DCC: variants seen among roughly 807,000 people sequenced by gnomAD.
DCC encodes the protein DCC netrin 1 receptor.
A neutral mutation model predicts 172.5 loss-of-function variants in DCC; 58 were observed. That is an observed-to-expected ratio of 0.34 (90% CI 0.27 to 0.42). The LOEUF (loss-of-function observed/expected upper bound fraction) is 0.42. DCC is among the 10% of genes least tolerant of loss of function. The pLI is 1.00. For synonymous variants in DCC, 709 were observed against 644.5 expected (o/e 1.10, Z -1.52); for missense variants, 1,740 against 1,791.0 (o/e 0.97, Z 0.51).
chr18:52,661,506 C>T (rs2035359689), intron 1 of DCC, among the ~76,000 whole-genome samples: 1 of 152,212 alleles, frequency 6.6e-6, no homozygotes, highest in Non-Finnish European at 1.5e-5. Context: ...TCGCTATCCT[C>T]TGGGCTCTTC....
chr18:52,578,833 C>A (rs972902103), intron 1 of DCC, among the ~76,000 whole-genome samples: 11 of 151,994 alleles, frequency 7.2e-5, no homozygotes, highest in African/African-American at 2.7e-4. Flanking sequence ...CCCATCTCTA[C>A]TAAAAATACA....
intron 5 of DCC, among the ~76,000 whole-genome samples, chr18:53,046,881 C>G (rs1011568291): frequency 5.3e-5 from 8 of 151,850 alleles, no homozygotes; most frequent in Admixed American, 4.6e-4. Context: ...GTGACTCTCT[C>G]TACAACACAG....
chr18:52,610,166 AAAAAAAAAAAAAATATATATAT>A lies in DCC; in HGVS notation c.92-141886_92-141865del, dbSNP rs1474844697. Among the ~76,000 whole-genome samples, 135 of 25,266 alleles carry A rather than the reference AAAAAAAAAAAAAATATATATAT, an allele frequency of 5.3e-3. 8 individuals carry two copies. The highest frequency in any genetic ancestry group is 0.033 in the Middle Eastern group (1 of 30). The allele number at this position is 25,266 out of a possible 152,430, so 16.6% of individuals were successfully genotyped here. A position where few individuals can be genotyped will look rare whatever the true frequency, so the allele number is the denominator to read the frequency against. ...CCATCTCTCATAAAAAAAAAAAAAA[AAAAAAAAAAAAAATATATATAT>A]ATATATATATATATATATATATATA... On this transcript the variant is annotated intron_variant, in intron 1 of 28. Coordinates refer to ENST00000442544, the MANE Select transcript of DCC (RefSeq NM_005215.4).
intron 2 of DCC, among the ~76,000 whole-genome samples, chr18:52,805,785 G>A (rs1346470297): frequency 5.3e-5 from 8 of 152,206 alleles, no homozygotes; most frequent in South Asian, 2.1e-4. Context: ...AGCCACCCTC[G>A]CATTCTCAGA....
chr18:52,777,664 T>G (rs1246345790), intron 2 of DCC, among the ~76,000 whole-genome samples: 3 of 151,612 alleles, frequency 2.0e-5, no homozygotes, highest in Non-Finnish European at 2.9e-5. Flanking sequence ...GGATGCAAAA[T>G]CAGGAAATAA....
At chr18:52,687,518 C>T (rs750816109) in intron 1 of DCC, among the ~76,000 whole-genome samples, 5 of 152,074 alleles carry the variant, frequency 3.3e-5, no homozygotes, top group Non-Finnish European at 7.4e-5. Flanking sequence ...CTCCTGACCT[C>T]AGGTGATCCG....
chr18:52,564,952 A>C (rs2144747080), intron 1 of DCC, among the ~76,000 whole-genome samples: 1 of 152,208 alleles, frequency 6.6e-6, no homozygotes, highest in Non-Finnish European at 1.5e-5. Flanking sequence ...CAAGAAGCTG[A>C]TCTCTCACAC....
chr18:52,884,397 T>C (rs2039539775), intron 2 of DCC, among the ~76,000 whole-genome samples: 1 of 152,104 alleles, frequency 6.6e-6, no homozygotes, highest in African/African-American at 2.4e-5. Context: ...TCCTTTTTTT[T>C]TTATTTCCTC....
At chr18:52,829,969 G>C (rs1444218707) in intron 2 of DCC, among the ~76,000 whole-genome samples, 1 of 152,124 alleles carries the variant, frequency 6.6e-6, no homozygotes, top group Non-Finnish European at 1.5e-5. Flanking sequence ...TGACATTTGA[G>C]TGAAGATCTG....
chr18:53,312,133 C>G (rs2057276185), intron 13 of DCC, among the ~76,000 whole-genome samples: 1 of 147,710 alleles, frequency 6.8e-6, no homozygotes, highest in Non-Finnish European at 1.5e-5. Context: ...CACGGTGAAA[C>G]CCTGTCTCTG....
intron 9 of DCC, among the ~76,000 whole-genome samples, chr18:53,182,982 C>T (rs1402476818): frequency 6.6e-6 from 1 of 152,100 alleles, no homozygotes; most frequent in Non-Finnish European, 1.5e-5. Context: ...ACAAAATGAT[C>T]TTATCTTTTG....
At chr18:52,801,868 G>T (rs1237950970) in intron 2 of DCC, among the ~76,000 whole-genome samples, 1 of 152,084 alleles carries the variant, frequency 6.6e-6, no homozygotes, top group Non-Finnish European at 1.5e-5. Flanking sequence ...CATGCAATAT[G>T]CCTGCTTTTT....
chr18:52,760,567 T>A (rs1184595161), intron 2 of DCC, among the ~76,000 whole-genome samples: 1 of 152,196 alleles, frequency 6.6e-6, no homozygotes, highest in African/African-American at 2.4e-5. Context: ...CTGCACCCCA[T>A]CATTAAGTAG....
intron 15 of DCC, among the ~76,000 whole-genome samples, chr18:53,359,429 T>C (rs1488275618): frequency 6.6e-6 from 1 of 152,166 alleles, no homozygotes; most frequent in Non-Finnish European, 1.5e-5. Context: ...ATTTTTCACA[T>C]ATCTATTTTT....
chr18:52,774,308 C>T (rs2037390975), intron 2 of DCC, among the ~76,000 whole-genome samples: 1 of 152,134 alleles, frequency 6.6e-6, no homozygotes, highest in African/African-American at 2.4e-5. Context: ...AGACCAGGCC[C>T]AGTTTGATTG....
intron 7 of DCC, among the ~76,000 whole-genome samples, chr18:53,122,471 CTGT>C (rs2043496323): frequency 6.6e-6 from 1 of 151,924 alleles, no homozygotes; most frequent in African/African-American, 2.4e-5. Context: ...CTGAGAAAAA[CTGT>C]TGTTTTAATG....
At chr18:52,912,046 A>G (rs1250101697) in intron 3 of DCC, among the ~76,000 whole-genome samples, 1 of 152,040 alleles carries the variant, frequency 6.6e-6, no homozygotes, top group Non-Finnish European at 1.5e-5. Context: ...TTGACTTAAC[A>G]TTGACCAGTT....
chr18:52,408,662 T>A (rs960470071), intron 1 of DCC, among the ~76,000 whole-genome samples: 1 of 152,124 alleles, frequency 6.6e-6, no homozygotes, highest in African/African-American at 2.4e-5. Flanking sequence ...GCATCAAGCA[T>A]CTATAGCTCC....
chr18:53,368,050 G>A (rs528564988), intron 15 of DCC, among the ~76,000 whole-genome samples: 4 of 152,202 alleles, frequency 2.6e-5, no homozygotes, highest in African/African-American at 9.6e-5. Flanking sequence ...CACAAGCAGT[G>A]CACAAGGGTT....
Sources: gnomAD v4.1 joint callset for allele counts (sites outside exome capture counted in the v4.1 genomes callset) on GRCh38, gnomAD v4.1.1 for gene constraint, MANE v1.5 for transcripts, NCBI Gene and HGNC (gene_info 2026-07-23, HGNC 2026-07-21) for gene names.